LPP: variants seen among roughly 807,000 people sequenced by gnomAD.
LPP encodes LIM domain containing preferred translocation partner in lipoma.
Under a neutral mutation model 60.4 loss-of-function variants are expected in LPP, and 38 were observed. The observed-to-expected ratio is 0.63, with a 90% confidence interval of 0.49 to 0.83. The LOEUF is 0.83. Ranked by LOEUF, LPP falls within the 40% of genes least tolerant of loss-of-function variation. The pLI, the probability that LPP is intolerant of heterozygous loss-of-function variation, is 0.00. For synonymous variants in LPP, 328 were observed against 290.8 expected (o/e 1.13, Z -1.30); for missense variants, 902 against 783.6 (o/e 1.15, Z -1.80).
chr3:188,578,391 A>G (rs1422885602), intron 6 of LPP, among the ~76,000 whole-genome samples: 1 of 152,088 alleles, frequency 6.6e-6, no homozygotes, highest in African/African-American at 2.4e-5. Flanking sequence ...CTTTCTCCAG[A>G]TGGCTGTGGC....
intron 7 of LPP, among the ~76,000 whole-genome samples, chr3:188,652,591 G>A (rs939889699): frequency 3.3e-5 from 5 of 152,046 alleles, no homozygotes; most frequent in African/African-American, 1.2e-4. Context: ...TAAATTCTGG[G>A]GAATATCTGT....
In LPP at chr3:188,240,242, T is replaced by G. The variant is rs186045116; in HGVS notation, c.-67+14715T>G. On this transcript the variant is annotated intron_variant, in intron 2 of 11. Transcript: ENST00000617246. ...ATTTAAAAATCCTTTTGGTATCAAA[T>G]TTTAAGCCAAAAAGTAGTGAGGGGG... is the stretch of plus-strand genomic sequence containing the variant. 2.3e-5 allele frequency: 4 copies of G among 174,862 alleles called. No individual in the cohort carries two copies. The East Asian group carries it at 3.0e-4, about 13-fold the overall frequency. 10.8% of individuals were successfully genotyped at this position (174,862 alleles called of 1,614,324 possible).
intron 2 of LPP, among the ~76,000 whole-genome samples, chr3:188,252,031 GATATATATATATATATATATATAT>G (rs10579787): frequency 2.7e-4 from 11 of 41,404 alleles, no homozygotes; most frequent in East Asian, 1.3e-3. Flanking sequence ...TTTTAATCCT[GATATATATATATATATATATATAT>G]ATATATATAT....
chr3:188,872,746 C>T lies in LPP; in HGVS notation c.1693C>T (p.His565Tyr). ...GGCTTTGGATCGAGATTTCCATGTT[C>T]ACTGCTACCGATGCGAGGTCTGGTT... ...IVALDRDFHV[H>Y]CYRCEDCGGL... Residue 565 changes from histidine (H) to tyrosine (Y), a missense_variant, in exon 11 of 12, where the codon CAC (histidine) becomes TAC (tyrosine). By Grantham distance (83) the His-to-Tyr change is moderately conservative. Transcript: ENST00000617246. The T allele has an allele frequency of 6.2e-7, 1 of 1,614,126 alleles. No individual in the cohort carries two copies. The highest frequency in any genetic ancestry group is 8.5e-7 in the Non-Finnish European group (1 of 1,180,012).
chr3:188,878,759 T>TAAAAAAAAAAAAAAAA lies in LPP; in HGVS notation c.*4281_*4296dup, dbSNP rs11448997. 8 of 156,558 alleles carry TAAAAAAAAAAAAAAAA rather than the reference T, an allele frequency of 5.1e-5. No homozygotes were observed. Among genetic ancestry groups the TAAAAAAAAAAAAAAAA allele is most frequent in the Non-Finnish European group, 1.0e-4 (8 of 77,996 alleles). The allele number at this position is 156,558 out of a possible 1,614,324, so 9.7% of individuals were successfully genotyped here. On this transcript the variant is annotated 3_prime_UTR_variant, in exon 12 of 12. Transcript: ENST00000617246. The stretch of plus-strand genomic sequence containing the variant: ...ATATACTCACCAAAAAGTAAAAAAG[T>TAAAAAAAAAAAAAAAA]AAAAAAAAAAAAAAAAGAAAGAAAG...
chr3:188,601,463 A>T (rs1373439942), intron 6 of LPP, among the ~76,000 whole-genome samples: 1 of 152,184 alleles, frequency 6.6e-6, no homozygotes, highest in Non-Finnish European at 1.5e-5. Flanking sequence ...AGAAACAAAC[A>T]TTAACTTCGT....
rs114813844 is a variant in LPP, at chr3:188,761,474, G to T, written c.1410+1192G>T. 1.5e-3 allele frequency among the ~76,000 whole-genome samples: 234 copies of T among 152,188 alleles called. 1 individual carries two copies. Among genetic ancestry groups the T allele is most frequent in the Non-Finnish European group, 2.5e-3 (167 of 68,016 alleles). ...CATGTAACATCATTTCTTTCCAAAG[G>T]TAGCTTAAACACATGTAGAGCCATA... On this transcript the variant is annotated intron_variant, in intron 9 of 11. Coordinates refer to ENST00000617246, the MANE Select transcript of LPP (RefSeq NM_001375462.1).
chr3:188,406,985 A>G (rs1284227841), intron 4 of LPP, among the ~76,000 whole-genome samples: 1 of 152,178 alleles, frequency 6.6e-6, no homozygotes, highest in East Asian at 1.9e-4. Context: ...CAGAGGCAGT[A>G]TAAATGGTAC....
chr3:188,561,915 C>T (rs898004559), intron 6 of LPP, among the ~76,000 whole-genome samples: 1 of 146,706 alleles, frequency 6.8e-6, no homozygotes, highest in African/African-American at 2.5e-5. Flanking sequence ...AGTGCACTTT[C>T]TAATGAGAAC....
chr3:188,517,178 C>G (rs1197893679), intron 5 of LPP, among the ~76,000 whole-genome samples: 3 of 152,068 alleles, frequency 2.0e-5, no homozygotes, highest in African/African-American at 7.2e-5. Context: ...CCCGAGAGCT[C>G]AGGTGAATTG....
chr3:188,748,048 T>C (rs1246844071), intron 8 of LPP, among the ~76,000 whole-genome samples: 1 of 152,228 alleles, frequency 6.6e-6, no homozygotes, highest in Non-Finnish European at 1.5e-5. Flanking sequence ...TTGTGGATTT[T>C]GCATGGAAAT....
intron 7 of LPP, among the ~76,000 whole-genome samples, chr3:188,684,564 A>G (rs1202338642): frequency 1.3e-5 from 2 of 152,174 alleles, no homozygotes; most frequent in Non-Finnish European, 2.9e-5. Context: ...TCCAGGTCTT[A>G]TGTCAAAACT....
chr3:188,543,171 C>T (rs1825674260), intron 6 of LPP, among the ~76,000 whole-genome samples: 1 of 152,120 alleles, frequency 6.6e-6, no homozygotes, highest in South Asian at 2.1e-4. Flanking sequence ...GAGGCCATGT[C>T]CTGCCTTTAA....
At chr3:188,232,196 C>A (rs1196906197) in intron 2 of LPP, among the ~76,000 whole-genome samples, 1 of 152,054 alleles carries the variant, frequency 6.6e-6, no homozygotes, top group Non-Finnish European at 1.5e-5. Flanking sequence ...GAAATTGGAG[C>A]CTTAAAATTA....
At chr3:188,306,949 T>C (rs1751726927) in intron 2 of LPP, among the ~76,000 whole-genome samples, 1 of 152,196 alleles carries the variant, frequency 6.6e-6, no homozygotes, top group South Asian at 2.1e-4. Context: ...AAGTCCACAC[T>C]GCAAATGGCA....
At chr3:188,682,451 G>C (rs17670280) in intron 7 of LPP, among the ~76,000 whole-genome samples, 19,698 of 152,154 alleles carry the variant, frequency 0.13, 1,459 homozygotes, top group Non-Finnish European at 0.17. Flanking sequence ...GTCTGAATTC[G>C]TTTTGTAGGC....
In LPP at chr3:188,595,654, C is replaced by T. The variant is rs148632188; in HGVS notation, c.430-13507C>T. On this transcript the variant is annotated intron_variant, in intron 6 of 11. Transcript: ENST00000617246. The stretch of plus-strand genomic sequence containing the variant: ...TGAATGATCTAAAATATCAAGTAGG[C>T]GCTTTCAGCAAAGCTGTTAGAAATA... Among the ~76,000 whole-genome samples the T allele has an allele frequency of 7.4e-4, 113 of 152,188 alleles. 2 individuals carry two copies. In the East Asian group the frequency reaches 0.017, roughly 22 times the overall value.
At chr3:188,705,720 G>A (rs1865357375) in intron 7 of LPP, among the ~76,000 whole-genome samples, 1 of 151,942 alleles carries the variant, frequency 6.6e-6, no homozygotes, top group Admixed American at 6.6e-5. Flanking sequence ...GGGTTCAAGC[G>A]ATTTTCATGC....
intron 7 of LPP, among the ~76,000 whole-genome samples, chr3:188,638,686 T>A (rs1348399264): frequency 1.4e-5 from 2 of 147,524 alleles, no homozygotes; most frequent in Non-Finnish European, 3.0e-5. Flanking sequence ...ACAAAATCAA[T>A]GTACAAAAAT....
Sources: gnomAD v4.1 joint callset for allele counts (sites outside exome capture counted in the v4.1 genomes callset) on GRCh38, gnomAD v4.1.1 for gene constraint, MANE v1.5 for transcripts, NCBI Gene and HGNC (gene_info 2026-07-23, HGNC 2026-07-21) for gene names.